The following DDX59 variants were observed in gnomAD, a reference collection of about 807,000 sequenced individuals.
The protein encoded by DDX59 is probable ATP-dependent RNA helicase DDX59.
In DDX59, 30 loss-of-function variants were observed where a neutral mutation model predicts 51.9. The ratio of observed to expected loss-of-function variants is 0.58; its 90% CI spans 0.43 to 0.78. The LOEUF (loss-of-function observed/expected upper bound fraction) is 0.78, where lower values mean the gene tolerates loss of function less well. Among genes scored for constraint, DDX59 ranks in the 30% least tolerant of loss-of-function variants. The pLI is 0.00. For synonymous variants in DDX59, 255 were observed against 253.3 expected (o/e 1.01, Z -0.06); for missense variants, 672 against 730.8 (o/e 0.92, Z 0.93).
intron 4 of DDX59, among the ~76,000 whole-genome samples, chr1:200,656,696 A>G (rs1211839901): frequency 1.3e-5 from 2 of 152,224 alleles, no homozygotes; most frequent in Non-Finnish European, 2.9e-5. Flanking sequence ...CATAATGGTG[A>G]GCACAGCACG....
intron 1 of DDX59, among the ~76,000 whole-genome samples, chr1:200,668,985 A>C (rs1662971159): frequency 2.0e-5 from 3 of 152,220 alleles, no homozygotes. Flanking sequence ...CCTTCCTAAA[A>C]TAGATAAAAC....
At position 200,666,200 on chromosome 1, in the gene DDX59, G is replaced by A; in HGVS notation, c.541C>T (p.Gln181Ter). ...AGCTGCTGTTTAAGATTTTCAATCT[G>A]GTCTTCCTGAAGGTTCAAAATAAAG... Reference protein sequence around the residue: ...HPFILNLQEDQIENLKQQLGI... With the variant: ...HPFILNLQED The change falls in exon 2 of 8, where the codon CAG becomes TAG. Residue 181 changes from glutamine (Q) to a stop codon, truncating the protein, a stop_gained. Transcript: ENST00000331314. LOFTEE classifies it high-confidence loss of function. 6.2e-7 allele frequency: 1 copy of A among 1,614,178 alleles called. No individual in the cohort carries two copies. Among genetic ancestry groups the A allele is most frequent in the Non-Finnish European group, 8.5e-7 (1 of 1,180,030 alleles).
rs1017684503 is a variant in DDX59 at position 200,666,446 on chromosome 1, G to A, written c.295C>T (p.Arg99Cys). The change falls in exon 2 of 8, where the codon CGC (arginine) becomes TGC (cysteine). Residue 99 changes from arginine (R) to cysteine (C), a missense_variant. Arg to Cys is a radical substitution (Grantham distance 180, BLOSUM62 -3). Coordinates refer to ENST00000331314, the MANE Select transcript of DDX59 (RefSeq NM_001031725.6). The part of the protein sequence containing the change: ...EPVKSFSKTQ[R>C]WAEPGEPICV... ...ATGGGTTCCCCTGGTTCTGCCCAGC[G>A]CTGTGTTTTGGAAAATGACTTAACG... 21 of 1,614,024 alleles carry A rather than the reference G, an allele frequency of 1.3e-5. No individual in the cohort carries two copies. Among genetic ancestry groups the A allele is most frequent in the Non-Finnish European group, 1.5e-5 (18 of 1,180,032 alleles).
intron 7 of DDX59, among the ~76,000 whole-genome samples, chr1:200,644,881 A>T (rs1661197361): frequency 6.8e-6 from 1 of 146,096 alleles, no homozygotes; most frequent in Non-Finnish European, 1.5e-5. Context: ...GGGTGGCAGA[A>T]AAAGACTCCA....
chr1:200,644,886 A>G (rs1661197673), intron 7 of DDX59, among the ~76,000 whole-genome samples: 1 of 111,100 alleles, frequency 9.0e-6, no homozygotes, highest in Admixed American at 1.3e-4. Context: ...GCAGAAAAAG[A>G]CTCCATCTCA....
chr1:200,668,980 C>T (rs945210313), intron 1 of DDX59, among the ~76,000 whole-genome samples: 4 of 152,150 alleles, frequency 2.6e-5, no homozygotes, highest in Non-Finnish European at 5.9e-5. Context: ...TCACGCCTTC[C>T]TAAAATAGAT....
chr1:200,648,624 T>G, intron 6 of DDX59, 57 bp from the exon 7 acceptor site: 2 of 1,543,110 alleles, frequency 1.3e-6, no homozygotes, highest in South Asian at 2.4e-5. Context: ...TGGTTTTGTG[T>G]AATTCTGATA....
At chr1:200,647,244 G>A (rs377744021) in intron 7 of DDX59, among the ~76,000 whole-genome samples, 15 of 152,142 alleles carry the variant, frequency 9.9e-5, no homozygotes, top group East Asian at 3.9e-4. Context: ...ATAATGCAGC[G>A]CTAAGAGAAG....
rs1336884305 is a variant in DDX59 at position 200,663,959 on chromosome 1, G to T, written c.932C>A (p.Pro311His). Residue 311 changes from proline (P) to histidine (H), a missense_variant, in exon 3 of 8, where the codon CCC becomes CAC. Transcript: ENST00000331314. ...MKTVLLVGGL[P>H]LPPQLYRLQQ... ...CAGACGATAAAGCTGTGGGGGTAAG[G>T]GTAAGCCCCCTACAAGAAGCACAGT... 6.2e-7 allele frequency: 1 copy of T among 1,614,114 alleles called. No individual in the cohort carries two copies. Among genetic ancestry groups the T allele is most frequent in the Non-Finnish European group, 8.5e-7 (1 of 1,180,012 alleles).
In DDX59 at chr1:200,644,226, A is replaced by C. The variant is rs775179019; in HGVS notation, c.*28T>G. On this transcript the variant is annotated 3_prime_UTR_variant, in exon 8 of 8. Coordinates refer to ENST00000331314, the MANE Select transcript of DDX59 (RefSeq NM_001031725.6). ...AATTTTTTGCTGACTATATACAATA[A>C]AAAAAAATATTCAAGTGGCAGAGAA... 6.7e-7 allele frequency: 1 copy of C among 1,484,458 alleles called. No homozygotes were observed. The highest frequency in any genetic ancestry group is 2.3e-5 in the Admixed American group (1 of 42,626). 92.0% of individuals were successfully genotyped at this position (1,484,458 alleles called of 1,614,324 possible).
intron 3 of DDX59, among the ~76,000 whole-genome samples, chr1:200,661,660 C>T (rs1322638528): frequency 6.6e-6 from 1 of 152,182 alleles, no homozygotes; most frequent in East Asian, 1.9e-4. Flanking sequence ...GACAAAGACA[C>T]AACAACTAAA....
intron 7 of DDX59, among the ~76,000 whole-genome samples, chr1:200,646,721 T>C (rs1288005069): frequency 3.3e-5 from 5 of 152,158 alleles, no homozygotes; most frequent in African/African-American, 9.7e-5. Context: ...AACACAGAGT[T>C]ACTATATGAC....
At chr1:200,650,102 C>T (rs1045017122) in intron 5 of DDX59, among the ~76,000 whole-genome samples, 1 of 152,118 alleles carries the variant, frequency 6.6e-6, no homozygotes, top group East Asian at 1.9e-4. Context: ...CCTCGGCCTC[C>T]TAAAGTGCTG....
chr1:200,667,782 C>A (rs936263091), intron 1 of DDX59, among the ~76,000 whole-genome samples: 3 of 151,886 alleles, frequency 2.0e-5, no homozygotes, highest in Non-Finnish European at 4.4e-5. Flanking sequence ...TCTTCACAAC[C>A]ATGTAAAGCA....
At chr1:200,669,283 GA>G (rs1662992147) in intron 1 of DDX59, among the ~76,000 whole-genome samples, 1 of 148,812 alleles carries the variant, frequency 6.7e-6, no homozygotes, top group Non-Finnish European at 1.5e-5. Context: ...CCAACTTCCA[GA>G]AAAATTCCAA....
chr1:200,649,012 C>A (rs1445029892), intron 6 of DDX59, 62 bp downstream of exon 6: 4 of 1,441,732 alleles, frequency 2.8e-6, no homozygotes, highest in Non-Finnish European at 3.7e-6. Flanking sequence ...ATATGGTTAT[C>A]TCTTGAAAAT....
chr1:200,644,130 ATAAAT>A lies in DDX59; in HGVS notation c.*119_*123del. 1 of 762,268 alleles carries A rather than the reference ATAAAT, an allele frequency of 1.3e-6. No homozygotes were observed. The highest frequency in any genetic ancestry group is 1.7e-6 in the Non-Finnish European group (1 of 581,862). 47.2% of individuals were successfully genotyped at this position (762,268 alleles called of 1,614,324 possible). A position where few individuals can be genotyped will look rare whatever the true frequency, so the allele number is the denominator to read the frequency against. On this transcript the variant is annotated 3_prime_UTR_variant, in exon 8 of 8. Coordinates refer to ENST00000331314, the MANE Select transcript of DDX59 (RefSeq NM_001031725.6). ...AGGGAAATAAATACAATATAGTTAT[ATAAAT>A]TTTATTAAATTAAAAATATCTTAAA...
intron 7 of DDX59, among the ~76,000 whole-genome samples, chr1:200,646,958 T>C (rs1207782985): frequency 6.6e-6 from 1 of 152,206 alleles, no homozygotes. Flanking sequence ...TGGATGAACC[T>C]TAAAAACATT....
At chr1:200,652,767 CAA>C (rs1452571073) in intron 4 of DDX59, among the ~76,000 whole-genome samples, 1 of 150,452 alleles carries the variant, frequency 6.6e-6, no homozygotes, top group Non-Finnish European at 1.5e-5. Flanking sequence ...CTCCTGGGCT[CAA>C]GTGATCCTCC....
Sources: allele counts gnomAD v4.1 joint callset (sites outside exome capture counted in the v4.1 genomes callset), GRCh38; gene constraint gnomAD v4.1.1; transcripts MANE v1.5; gene names NCBI Gene and HGNC (gene_info 2026-07-23, HGNC 2026-07-21).